CD84: variants seen among roughly 807,000 people sequenced by gnomAD.
CD84 encodes the protein SLAM family member 5.
Under a neutral mutation model 33.8 loss-of-function variants are expected in CD84, and 22 were observed. The observed-to-expected ratio is 0.65, with a 90% CI of 0.46 to 0.93. The LOEUF (loss-of-function observed/expected upper bound fraction) is 0.93. Ranked by LOEUF, CD84 falls within the 40% of genes least tolerant of loss-of-function variation. The probability of loss-of-function intolerance (pLI) is 0.00; values close to 1 mark genes in which losing one functional copy is unlikely to be tolerated. For synonymous variants in CD84, 154 were observed against 145.2 expected, an observed-to-expected ratio of 1.06 and a Z score of -0.44; for missense variants, 400 against 397.6, an observed-to-expected ratio of 1.01 and a Z score of -0.05.
intron 2 of CD84, among the ~76,000 whole-genome samples, chr1:160,557,175 C>G (rs1297311875): frequency 6.6e-6 from 1 of 152,160 alleles, no homozygotes; most frequent in Non-Finnish European, 1.5e-5. Context: ...AACTTTGGAA[C>G]AGAGAGGTTA....
At chr1:160,578,171 A>G (rs542412592) in intron 1 of CD84, among the ~76,000 whole-genome samples, 56 of 152,194 alleles carry the variant, frequency 3.7e-4, no homozygotes, top group Non-Finnish European at 6.9e-4. Flanking sequence ...GCATAATGGG[A>G]TTAATAACGT....
chr1:160,554,067 A>G lies in CD84; in HGVS notation c.468T>C (p.Ser156=), dbSNP rs1656435416. The G allele has an allele frequency of 6.2e-7, 1 of 1,614,052 alleles. No individual in the cohort carries two copies. Among genetic ancestry groups the G allele is most frequent in the Non-Finnish European group, 8.5e-7 (1 of 1,180,040 alleles). The change falls in exon 3 of 7, where the codon TCT becomes TCC. Residue 156 remains serine, a synonymous_variant. Coordinates refer to ENST00000368054, the MANE Select transcript of CD84 (RefSeq NM_003874.4). ...NSTCNVTLTC[S]VEKEEKNVTY... ...TCACATTCTTTTCTTCTTTCTCTAC[A>G]GAGCATGTCAGTGTGACATTACAGG...
intron 1 of CD84, among the ~76,000 whole-genome samples, chr1:160,566,665 T>A (rs888854746): frequency 2.0e-5 from 3 of 152,192 alleles, no homozygotes; most frequent in African/African-American, 7.2e-5. Context: ...AAGATACCAA[T>A]GTTGATCAGA....
Position 160,545,990 on chromosome 1 carries a change from CTTT to C in CD84, c.*2263_*2265del. The C allele has an allele frequency of 7.2e-6, 1 of 138,822 alleles. No homozygotes were observed. The highest frequency in any genetic ancestry group is 1.6e-5 in the Non-Finnish European group (1 of 63,846). The allele number at this position is 138,822 out of a possible 1,614,324, so 8.6% of individuals were successfully genotyped here. A position where few individuals can be genotyped will look rare whatever the true frequency, so the allele number is the denominator to read the frequency against. On this transcript the variant is annotated 3_prime_UTR_variant, in exon 7 of 7. Coordinates refer to ENST00000368054, the MANE Select transcript of CD84 (RefSeq NM_003874.4). The stretch of plus-strand genomic sequence containing the variant: ...TTGCACCATGCTTATTGGCTTCTAT[CTTT>C]TTTTTTTTTTCGAGATGGAGTCTCA...
At chr1:160,575,494 A>AACACACACACACACACAC (rs3078967) in intron 1 of CD84, among the ~76,000 whole-genome samples, 82 of 146,794 alleles carry the variant, frequency 5.6e-4, no homozygotes, top group African/African-American at 2.0e-3. Flanking sequence ...GTTCCTTCAA[A>AACACACACACACACACAC]ACACACACAC....
rs1246058329 is a variant in CD84, at chr1:160,550,859, A to G, written c.858+79T>C. On this transcript the variant is annotated intron_variant, in intron 5 of 6. Transcript: ENST00000368054. ...CCGTGGCTGCTTTCTAGACAACAAC[A>G]AGCAGAGGCAATGGCTGCCCATGAC... 5 of 1,600,256 alleles carry G rather than the reference A, an allele frequency of 3.1e-6. No homozygotes were observed. The Admixed American group carries it at 8.8e-5, about 28-fold the overall frequency.
chr1:160,568,897 A>G (rs1186642220), intron 1 of CD84, among the ~76,000 whole-genome samples: 2 of 152,236 alleles, frequency 1.3e-5, no homozygotes, highest in Non-Finnish European at 2.9e-5. Context: ...CTGGGATTAC[A>G]GGTCACAAAA....
rs758937532 is a variant in CD84, at chr1:160,543,237, T to C, written c.*5019A>G. Reference sequence around the variant, plus strand: ...ATATTACTATATGCAAATATTCATTTAGTAGATATTTGTGGTCCACCTATT... The same window carrying C: ...ATATTACTATATGCAAATATTCATTCAGTAGATATTTGTGGTCCACCTATT... On this transcript the variant is annotated 3_prime_UTR_variant, in exon 7 of 7. Coordinates refer to ENST00000368054, the MANE Select transcript of CD84 (RefSeq NM_003874.4). The C allele has an allele frequency of 5.9e-5, 9 of 152,198 alleles. No individual in the cohort carries two copies. The highest frequency in any genetic ancestry group is 4.1e-4 in the South Asian group (2 of 4,832). The allele number at this position is 152,198 out of a possible 1,614,324, so 9.4% of individuals were successfully genotyped here.
chr1:160,569,793 T>A (rs114385934), intron 1 of CD84, among the ~76,000 whole-genome samples: 1 of 151,954 alleles, frequency 6.6e-6, no homozygotes, highest in African/African-American at 2.4e-5. Flanking sequence ...TGAACAAAAG[T>A]TTAGAAGCAG....
At chr1:160,562,425 A>G (rs1657039317) in intron 2 of CD84, among the ~76,000 whole-genome samples, 1 of 152,146 alleles carries the variant, frequency 6.6e-6, no homozygotes, top group Non-Finnish European at 1.5e-5. Flanking sequence ...AAGACCACAC[A>G]CCAGCAATTA....
intron 5 of CD84, chr1:160,550,611 C>A: frequency 1.0e-6 from 1 of 985,322 alleles, no homozygotes; most frequent in Non-Finnish European, 1.2e-6. Context: ...CAGCCCTCAC[C>A]TCACTCCAGT....
At chr1:160,549,266 A>C (rs1278934840) in intron 6 of CD84, among the ~76,000 whole-genome samples, 1 of 152,122 alleles carries the variant, frequency 6.6e-6, no homozygotes, top group Non-Finnish European at 1.5e-5. Context: ...TCAGCTATTA[A>C]ACAGGAATAC....
intron 1 of CD84, among the ~76,000 whole-genome samples, chr1:160,577,671 A>G (rs76545516): frequency 0.038 from 5,716 of 152,256 alleles, 181 homozygotes; most frequent in African/African-American, 0.075. Flanking sequence ...CCTAATAATG[A>G]ATGAAAAGCG....
chr1:160,555,781 T>G (rs1656570240), intron 2 of CD84, among the ~76,000 whole-genome samples: 1 of 152,124 alleles, frequency 6.6e-6, no homozygotes. Flanking sequence ...AGAAAGGCAA[T>G]AAATTCAGAA....
chr1:160,550,057 C>T, intron 5 of CD84, 78 bp from the exon 6 acceptor site: 1 of 988,224 alleles, frequency 1.0e-6, no homozygotes, highest in Non-Finnish European at 1.6e-6. Context: ...CTGCCTCTAC[C>T]CACCATCCTT....
At position 160,572,508 on chromosome 1, in the gene CD84, T is replaced by C. The variant is rs556668493; in HGVS notation, c.47-6763A>G. Among the ~76,000 whole-genome samples the C allele has an allele frequency of 2.6e-5, 4 of 152,098 alleles. No individual in the cohort carries two copies. In the South Asian group the frequency reaches 8.3e-4, roughly 32 times the overall value. ...TAATTATTAAATGCAATTGCGAAGA[T>C]AAAGCACTTAGCACAATGCCTGGCA... On this transcript the variant is annotated intron_variant, in intron 1 of 6. Coordinates refer to ENST00000368054, the MANE Select transcript of CD84 (RefSeq NM_003874.4).
At chr1:160,557,122 C>T (rs1226138438) in intron 2 of CD84, among the ~76,000 whole-genome samples, 1 of 152,126 alleles carries the variant, frequency 6.6e-6, no homozygotes, top group Non-Finnish European at 1.5e-5. Flanking sequence ...ACCATTATCT[C>T]ATTTAATACC....
intron 2 of CD84, among the ~76,000 whole-genome samples, chr1:160,555,436 C>T (rs1411405369): frequency 6.6e-6 from 1 of 151,948 alleles, no homozygotes; most frequent in African/African-American, 2.4e-5. Context: ...TGTATATTTT[C>T]TTTATTTTTT....
intron 1 of CD84, among the ~76,000 whole-genome samples, chr1:160,566,311 T>A (rs1657320178): frequency 6.6e-6 from 1 of 152,238 alleles, no homozygotes; most frequent in South Asian, 2.1e-4. Context: ...TTCTGTTTAC[T>A]TCCATATTCC....
Sources: allele counts gnomAD v4.1 joint callset (sites outside exome capture counted in the v4.1 genomes callset), GRCh38; gene constraint gnomAD v4.1.1; transcripts MANE v1.5; gene names NCBI Gene and HGNC (gene_info 2026-07-23, HGNC 2026-07-21).